The following ECSIT variants were observed in gnomAD, a reference collection of about 807,000 sequenced individuals.
ECSIT encodes ECSIT signaling integrator.
In ECSIT, 29 loss-of-function variants were observed where a neutral mutation model predicts 36.8. The observed-to-expected ratio is 0.79, with a 90% CI of 0.59 to 1.08. The LOEUF is 1.08. Ranked by LOEUF, ECSIT falls within the 50% of genes least tolerant of loss-of-function variation. The pLI, the probability that ECSIT is intolerant of heterozygous loss-of-function variation, is 0.00. For synonymous variants in ECSIT, 231 were observed against 234.8 expected (o/e 0.98, Z 0.15); for missense variants, 542 against 581.0 (o/e 0.93, Z 0.69).
intron 7 of ECSIT, among the ~76,000 whole-genome samples, chr19:11,507,105 A>C (rs1971760950): frequency 6.6e-6 from 1 of 152,162 alleles, no homozygotes; most frequent in Non-Finnish European, 1.5e-5. Flanking sequence ...ACAAGGGCCA[A>C]CAGGGCTGGG....
chr19:11,515,339 G>A (rs1031591127), intron 2 of ECSIT, among the ~76,000 whole-genome samples: 8 of 151,928 alleles, frequency 5.3e-5, no homozygotes, highest in African/African-American at 1.4e-4. Flanking sequence ...TCCTGACCTC[G>A]TGATCCGCCC....
At chr19:11,518,887 A>G (rs1255830045) in intron 2 of ECSIT, among the ~76,000 whole-genome samples, 188 bp downstream of exon 2, 1 of 152,190 alleles carries the variant, frequency 6.6e-6, no homozygotes, top group African/African-American at 2.4e-5. Flanking sequence ...TGACAGAGAC[A>G]CTGTCTCAAA....
At chr19:11,511,691 C>T (rs917203450) in intron 4 of ECSIT, among the ~76,000 whole-genome samples, 2 of 152,056 alleles carry the variant, frequency 1.3e-5, no homozygotes, top group Non-Finnish European at 2.9e-5. Flanking sequence ...AGAGGAGAGG[C>T]ACTTAGATCA....
At chr19:11,515,393 C>T (rs192124845) in intron 2 of ECSIT, among the ~76,000 whole-genome samples, 7 of 151,970 alleles carry the variant, frequency 4.6e-5, no homozygotes, top group East Asian at 3.9e-4. Flanking sequence ...TGAGCCACCG[C>T]GCCCGGCGTA....
intron 1 of ECSIT, among the ~76,000 whole-genome samples, chr19:11,524,516 TC>T (rs1254359040): frequency 6.6e-6 from 1 of 151,680 alleles, no homozygotes; most frequent in Admixed American, 6.6e-5. Context: ...ACAGCAAGGC[TC>T]CGTCTCAAAA....
chr19:11,514,567 G>A, intron 2 of ECSIT, among the ~76,000 whole-genome samples: 1 of 151,286 alleles, frequency 6.6e-6, no homozygotes. Context: ...CTGTGGCCTA[G>A]GCTGGAATGT....
chr19:11,522,846 G>A (rs1308730558), intron 1 of ECSIT, among the ~76,000 whole-genome samples: 4 of 152,122 alleles, frequency 2.6e-5, no homozygotes, highest in African/African-American at 7.2e-5. Context: ...TGAGGCGGGT[G>A]GATCACGAGG....
chr19:11,513,774 C>A (rs1255268122), intron 3 of ECSIT, 30 bp downstream of exon 3: 1 of 1,612,502 alleles, frequency 6.2e-7, no homozygotes, highest in Non-Finnish European at 8.5e-7. Flanking sequence ...GTAGCCCACT[C>A]CCCACCCTGC....
At chr19:11,515,320 G>A (rs183049256) in intron 2 of ECSIT, among the ~76,000 whole-genome samples, 1 of 151,032 alleles carries the variant, frequency 6.6e-6, no homozygotes, top group Non-Finnish European at 1.5e-5. Context: ...AGTCAGGATG[G>A]TCTCGATCTC....
chr19:11,513,853 A>C lies in ECSIT; in HGVS notation c.465T>G (p.Pro155=). 1.2e-6 allele frequency: 2 copies of C among 1,613,964 alleles called. No individual in the cohort carries two copies. The highest frequency in any genetic ancestry group is 1.7e-6 in the Non-Finnish European group (2 of 1,179,976). The change falls in exon 3 of 8, where the codon CCT becomes CCG. Residue 155 remains proline (P), a synonymous_variant. Coordinates refer to ENST00000270517, the MANE Select transcript of ECSIT (RefSeq NM_016581.5). ...NIIQRIFVHY[P]RQQECGIAVL... is the part of the protein sequence containing the mutation. The stretch of plus-strand genomic sequence containing the variant: ...CAGCAATCCCACACTCCTGCTGCCG[A>C]GGGTAGTGGACGAAGATGCGCTGGA...
In ECSIT at chr19:11,506,102, T is replaced by G; in HGVS notation, c.*82A>C. The G allele has an allele frequency of 6.4e-7, 1 of 1,550,700 alleles. No individual in the cohort carries two copies. Among genetic ancestry groups the G allele is most frequent in the Non-Finnish European group, 8.7e-7 (1 of 1,152,572 alleles). ...GAGCCCCAAGCAGGAAAACATTGAT[T>G]TGCTGTACACTCAAAGGGCATCTCA... is the stretch of plus-strand genomic sequence containing the variant. On this transcript the variant is annotated 3_prime_UTR_variant, in exon 8 of 8. Transcript: ENST00000270517.
chr19:11,512,206 G>A (rs760229992), intron 4 of ECSIT, among the ~76,000 whole-genome samples: 22 of 151,544 alleles, frequency 1.5e-4, no homozygotes, highest in South Asian at 2.1e-4. Context: ...TTAGCCGGGC[G>A]TGGTGGTGTA....
intron 4 of ECSIT, 23 bp downstream of exon 4, chr19:11,513,033 A>T (rs1971903053): frequency 6.2e-7 from 1 of 1,610,998 alleles, no homozygotes; most frequent in African/African-American, 1.3e-5. Context: ...GTGGCAGCTG[A>T]CGCTGTAGAC....
chr19:11,520,238 C>T (rs1220502085), intron 1 of ECSIT, among the ~76,000 whole-genome samples: 2 of 152,106 alleles, frequency 1.3e-5, no homozygotes, highest in African/African-American at 4.8e-5. Context: ...ATAGTGCCAT[C>T]TCGGCTCACT....
chr19:11,507,575 G>A lies in ECSIT; in HGVS notation c.946-13C>T. ...TCTCTTCCACTTCCTACTCCAAGGT[G>A]GGGAGTGCAGGCGGGGTCAGAGGCC... is the stretch of plus-strand genomic sequence containing the variant. On this transcript the variant is annotated splice_polypyrimidine_tract_variant and intron_variant, in intron 6 of 7. Transcript: ENST00000270517. 6.2e-7 allele frequency: 1 copy of A among 1,613,472 alleles called. No homozygotes were observed. The highest frequency in any genetic ancestry group is 8.5e-7 in the Non-Finnish European group (1 of 1,179,500).
intron 2 of ECSIT, among the ~76,000 whole-genome samples, chr19:11,517,926 C>T (rs1651132825): frequency 6.6e-6 from 1 of 151,824 alleles, no homozygotes; most frequent in African/African-American, 2.4e-5. Context: ...CTCACAGTCA[C>T]CACACAAATC....
At chr19:11,514,531 G>GTT (rs1285649232) in intron 2 of ECSIT, among the ~76,000 whole-genome samples, 1 of 146,648 alleles carries the variant, frequency 6.8e-6, no homozygotes, top group African/African-American at 2.6e-5. Context: ...TTTTTTTTTG[G>GTT]TTTTTTTTTG....
chr19:11,506,511 T>TAC, intron 7 of ECSIT, 83 bp from the exon 8 acceptor site: 1 of 1,424,392 alleles, frequency 7.0e-7, no homozygotes, highest in South Asian at 1.4e-5. Context: ...TGAGGTATTT[T>TAC]ACACTCCCTT....
chr19:11,514,402 C>G (rs573862238), intron 2 of ECSIT, among the ~76,000 whole-genome samples, 181 bp from the exon 3 acceptor site: 7 of 152,048 alleles, frequency 4.6e-5, no homozygotes, highest in Non-Finnish European at 7.4e-5. Context: ...AATGCTGGCA[C>G]AGTAGGGAGG....
Sources: allele counts gnomAD v4.1 joint callset (sites outside exome capture counted in the v4.1 genomes callset), GRCh38; gene constraint gnomAD v4.1.1; transcripts MANE v1.5; gene names NCBI Gene and HGNC (gene_info 2026-07-23, HGNC 2026-07-21).